ATG5: variants seen among roughly 807,000 people sequenced by gnomAD.
The protein encoded by ATG5 is autophagy protein 5.
Under a neutral mutation model 36.5 loss-of-function variants are expected in ATG5, and 14 were observed. The observed-to-expected ratio is 0.38, with a 90% CI of 0.25 to 0.60. The LOEUF is 0.60. Among genes scored for constraint, ATG5 ranks in the 20% least tolerant of loss-of-function variants. ATG5 has a pLI of 0.60. For missense variants in ATG5, 195 were observed against 326.7 expected (o/e 0.60, Z 3.11); for synonymous variants, 95 against 101.5 (o/e 0.94, Z 0.38).
intron 1 of ATG5, among the ~76,000 whole-genome samples, chr6:106,321,564 T>G (rs1191428041): frequency 6.6e-6 from 1 of 152,060 alleles, no homozygotes; most frequent in Non-Finnish European, 1.5e-5. Context: ...TTCACCGTGT[T>G]AGCCAGGATG....
intron 7 of ATG5, among the ~76,000 whole-genome samples, chr6:106,193,355 T>A (rs1776043152): frequency 6.6e-6 from 1 of 152,168 alleles, no homozygotes; most frequent in Non-Finnish European, 1.5e-5. Context: ...ACATTTTATA[T>A]CTTTATTATA....
At chr6:106,249,609 T>C (rs1010621742) in intron 5 of ATG5, among the ~76,000 whole-genome samples, 1 of 152,248 alleles carries the variant, frequency 6.6e-6, no homozygotes, top group Admixed American at 6.5e-5. Flanking sequence ...GGTATGTACC[T>C]AGGAGTAGAA....
intron 3 of ATG5, among the ~76,000 whole-genome samples, chr6:106,297,368 C>T (rs1490548281): frequency 6.6e-6 from 1 of 152,030 alleles, no homozygotes; most frequent in Non-Finnish European, 1.5e-5. Flanking sequence ...TACTGGGCTG[C>T]TCAGTCTAAT....
intron 5 of ATG5, among the ~76,000 whole-genome samples, chr6:106,251,668 G>GCGGAGAGAGGGAGAAGGGAGAGAGGGA (rs1562237634): frequency 2.6e-5 from 1 of 37,776 alleles, no homozygotes; most frequent in African/African-American, 1.1e-4. Context: ...AGGAAGGGAG[G>GCGGAGAGAGGGAGAAGGGAGAGAGGGA]GGGAGGGGGA....
At chr6:106,292,149 C>T (rs1383656809) in intron 4 of ATG5, among the ~76,000 whole-genome samples, 1 of 152,142 alleles carries the variant, frequency 6.6e-6, no homozygotes, top group East Asian at 1.9e-4. Flanking sequence ...AGTTCAAGAC[C>T]AGTTCAAGCA....
chr6:106,301,619 A>T (rs886210433), intron 3 of ATG5, among the ~76,000 whole-genome samples: 1 of 152,056 alleles, frequency 6.6e-6, no homozygotes, highest in East Asian at 1.9e-4. Context: ...GTTTAAGTAC[A>T]AAGAAAAATG....
chr6:106,253,601 C>T lies in ATG5; in HGVS notation c.479-5357G>A, dbSNP rs139947350. 4.2e-3 allele frequency among the ~76,000 whole-genome samples: 639 copies of T among 152,242 alleles called. 3 individuals are homozygous for T. The highest frequency in any genetic ancestry group is 0.027 in the South Asian group (129 of 4,826). On this transcript the variant is annotated intron_variant, in intron 5 of 7. Coordinates refer to ENST00000369076, the MANE Select transcript of ATG5 (RefSeq NM_004849.4). The stretch of plus-strand genomic sequence containing the variant: ...TATTTAGACTGCAATTACTTCTCTC[C>T]GTGTTCACCACTACCACTTTCACCT...
At chr6:106,316,406 G>C in intron 1 of ATG5, 140 bp from the exon 2 acceptor site, 1 of 445,276 alleles carries the variant, frequency 2.2e-6, no homozygotes, top group Admixed American at 4.2e-5. Context: ...CCAATCTTTA[G>C]TATAAATTCA....
chr6:106,192,313 T>C lies in ATG5; in HGVS notation c.692-5637A>G, dbSNP rs1361878202. On this transcript the variant is annotated intron_variant, in intron 7 of 7. Coordinates refer to ENST00000369076, the MANE Select transcript of ATG5 (RefSeq NM_004849.4). ...ATTTTAAGTATATCATTTGAGAACTTGCACTGTGTGATAAATTTGAGTTCT... is the reference window on the plus strand; with the variant it reads ...ATTTTAAGTATATCATTTGAGAACTCGCACTGTGTGATAAATTTGAGTTCT... Among the ~76,000 whole-genome samples the C allele has an allele frequency of 5.3e-5, 8 of 152,112 alleles. No homozygotes were observed. In the East Asian group the frequency reaches 1.5e-3, roughly 29 times the overall value.
chr6:106,249,414 A>C (rs1778476433), intron 5 of ATG5, among the ~76,000 whole-genome samples: 1 of 152,178 alleles, frequency 6.6e-6, no homozygotes, highest in South Asian at 2.1e-4. Context: ...TTCATGTTGT[A>C]GTATGTATCA....
chr6:106,279,563 T>A, intron 5 of ATG5, 98 bp downstream of exon 5: 1 of 1,103,756 alleles, frequency 9.1e-7, no homozygotes. Context: ...AATTTAAACT[T>A]GTACCACCAA....
intron 3 of ATG5, among the ~76,000 whole-genome samples, chr6:106,305,336 C>A (rs1259214981): frequency 2.0e-5 from 3 of 152,092 alleles, no homozygotes; most frequent in African/African-American, 7.2e-5. Flanking sequence ...AAAAACAAAG[C>A]CCCCGGTACT....
At chr6:106,261,747 G>A (rs1048818475) in intron 5 of ATG5, among the ~76,000 whole-genome samples, 1 of 152,168 alleles carries the variant, frequency 6.6e-6, no homozygotes, top group African/African-American at 2.4e-5. Flanking sequence ...CAATAAATAG[G>A]GGTTTATTTT....
chr6:106,281,498 A>AT (rs1779876868), intron 4 of ATG5, among the ~76,000 whole-genome samples: 1 of 152,224 alleles, frequency 6.6e-6, no homozygotes, highest in Non-Finnish European at 1.5e-5. Flanking sequence ...GTTACTACAC[A>AT]TATCAGTAAT....
intron 6 of ATG5, among the ~76,000 whole-genome samples, chr6:106,232,023 C>G (rs910364723): frequency 2.0e-5 from 3 of 152,204 alleles, no homozygotes; most frequent in African/African-American, 7.2e-5. Context: ...CACCTCGTGT[C>G]AAGGGAATCA....
chr6:106,190,741 GA>G lies in ATG5; in HGVS notation c.692-4066del, dbSNP rs531183646. ...ATTAGAATGGTAAGAATTACATATA[GA>G]AAAAAAATAAGAAGAAAAAATAAAA... is the stretch of plus-strand genomic sequence containing the variant. On this transcript the variant is annotated intron_variant, in intron 7 of 7. Transcript: ENST00000369076. Among the ~76,000 whole-genome samples the G allele has an allele frequency of 3.4e-3, 517 of 150,960 alleles. 1 individual carries two copies. The highest frequency in any genetic ancestry group is 5.5e-3 in the Non-Finnish European group (374 of 67,696).
chr6:106,304,633 G>A (rs1770361932), intron 3 of ATG5, among the ~76,000 whole-genome samples: 1 of 152,000 alleles, frequency 6.6e-6, no homozygotes, highest in Non-Finnish European at 1.5e-5. Context: ...TAAAACAACT[G>A]AGATGGAAAT....
intron 3 of ATG5, among the ~76,000 whole-genome samples, chr6:106,296,643 C>A (rs1769952287): frequency 6.6e-6 from 1 of 152,054 alleles, no homozygotes; most frequent in African/African-American, 2.4e-5. Flanking sequence ...TAAGGTGAAA[C>A]CCCATCTCTA....
At chr6:106,300,364 T>TA (rs781185275) in intron 3 of ATG5, among the ~76,000 whole-genome samples, 1 of 152,174 alleles carries the variant, frequency 6.6e-6, no homozygotes, top group African/African-American at 2.4e-5. Flanking sequence ...ATTAAAATGT[T>TA]AAATGTTTTT....
Sources: gnomAD v4.1 joint callset for allele counts (sites outside exome capture counted in the v4.1 genomes callset) on GRCh38, gnomAD v4.1.1 for gene constraint, MANE v1.5 for transcripts, NCBI Gene and HGNC (gene_info 2026-07-23, HGNC 2026-07-21) for gene names.